The following ZDHHC21 variants were observed in gnomAD, a reference collection of about 807,000 sequenced individuals.
The protein encoded by ZDHHC21 is zDHHC palmitoyltransferase 21.
A neutral mutation model predicts 34.6 loss-of-function variants in ZDHHC21; 15 were observed. The ratio of observed to expected loss-of-function variants is 0.43; its 90% CI spans 0.29 to 0.67. The LOEUF is 0.67. Ranked by LOEUF, ZDHHC21 falls within the 30% of genes least tolerant of loss-of-function variation. ZDHHC21 has a pLI of 0.14. For synonymous variants in ZDHHC21, 142 were observed against 101.8 expected (o/e 1.40, Z -2.38); for missense variants, 344 against 327.7 (o/e 1.05, Z -0.38).
intron 7 of ZDHHC21, among the ~76,000 whole-genome samples, chr9:14,653,484 T>C (rs1831620881): frequency 6.6e-6 from 1 of 152,034 alleles, no homozygotes; most frequent in Admixed American, 6.6e-5. Context: ...TAGAGAAGTT[T>C]GTTATACTGC....
intron 5 of ZDHHC21, among the ~76,000 whole-genome samples, chr9:14,666,664 G>A (rs1203071438): frequency 2.8e-5 from 3 of 105,796 alleles, no homozygotes; most frequent in African/African-American, 6.3e-5. Flanking sequence ...AGACCACAGT[G>A]CAATCAAACT....
chr9:14,659,699 C>G (rs1192936953), intron 6 of ZDHHC21, among the ~76,000 whole-genome samples: 1 of 152,214 alleles, frequency 6.6e-6, no homozygotes, highest in Non-Finnish European at 1.5e-5. Context: ...TCGGTCCTAA[C>G]TTAAATCGCT....
At chr9:14,609,714 T>C (rs1480948670), downstream of ZDHHC21, among the ~76,000 whole-genome samples, 1 of 152,068 alleles carries the variant, frequency 6.6e-6, no homozygotes, top group African/African-American at 2.4e-5. Flanking sequence ...CTTTCCAAAG[T>C]GAAAAAGAGA....
At chr9:14,662,578 GA>G (rs923516052) in intron 5 of ZDHHC21, among the ~76,000 whole-genome samples, 1 of 152,158 alleles carries the variant, frequency 6.6e-6, no homozygotes, top group Non-Finnish European at 1.5e-5. Context: ...GTAAGAGACA[GA>G]AAACAATGTA....
rs868009048 is a variant in ZDHHC21 at position 14,640,309 on chromosome 9, A to G, written c.505-297T>C. On this transcript the variant is annotated intron_variant, in intron 7 of 9. Coordinates refer to ENST00000380916, the MANE Select transcript of ZDHHC21 (RefSeq NM_178566.6). ...TTTGTTTTTTGAACCTATTTTGGGG[A>G]AAAAAAAAAAAAAAAAGAAAGAAAG... 9.6e-3 allele frequency among the ~76,000 whole-genome samples: 1,323 copies of G among 138,318 alleles called. 12 individuals are homozygous for G. Among genetic ancestry groups the G allele is most frequent in the African/African-American group, 0.033 (1,213 of 36,488 alleles). 90.7% of individuals were successfully genotyped at this position (138,318 alleles called of 152,430 possible).
At chr9:14,643,403 T>C (rs1829747972) in intron 7 of ZDHHC21, among the ~76,000 whole-genome samples, 1 of 152,222 alleles carries the variant, frequency 6.6e-6, no homozygotes, top group Non-Finnish European at 1.5e-5. Flanking sequence ...TAACTCCTTC[T>C]TCATACATTT....
the ZDHHC21 span, among the ~76,000 whole-genome samples, chr9:14,600,065 A>C: frequency 6.6e-6 from 1 of 152,234 alleles, no homozygotes; most frequent in Non-Finnish European, 1.5e-5. Flanking sequence ...AATGGGCAAA[A>C]GCTGGAAGCA....
the ZDHHC21 span, among the ~76,000 whole-genome samples, chr9:14,603,136 A>G: frequency 6.6e-6 from 1 of 152,226 alleles, no homozygotes; most frequent in East Asian, 1.9e-4. Flanking sequence ...ATGGATATAC[A>G]TATTTCTAAA....
chr9:14,693,345 T>C lies in ZDHHC21; in HGVS notation c.-341A>G. ...GGCGCCGCCGCCCAGGCCGGGCCGC[T>C]CTCCCCTTCCGCTTCCGGGAGCCTG... On this transcript the variant is annotated 5_prime_UTR_variant, in exon 1 of 10. Coordinates refer to ENST00000380916, the MANE Select transcript of ZDHHC21 (RefSeq NM_178566.6). 2.4e-6 allele frequency: 1 copy of C among 410,114 alleles called. No individual in the cohort carries two copies. Among genetic ancestry groups the C allele is most frequent in the Non-Finnish European group, 4.8e-6 (1 of 208,420 alleles). 25.4% of individuals were successfully genotyped at this position (410,114 alleles called of 1,614,324 possible). A position where few individuals can be genotyped will look rare whatever the true frequency, so the allele number is the denominator to read the frequency against.
At position 14,611,843 on chromosome 9, in the gene ZDHHC21, T is replaced by G. The variant is rs960527522; in HGVS notation, c.*7123A>C. The G allele has an allele frequency of 2.6e-5, 4 of 152,190 alleles. No individual in the cohort carries two copies. Among genetic ancestry groups the G allele is most frequent in the East Asian group, 3.9e-4 (2 of 5,184 alleles). 9.4% of individuals were successfully genotyped at this position (152,190 alleles called of 1,614,324 possible). ...CTTGTCGGAATATCTCTGATTCTGG[T>G]GGAAGTTTTTACTTTTGTATCATTT... On this transcript the variant is annotated 3_prime_UTR_variant, in exon 10 of 10. Coordinates refer to ENST00000380916, the MANE Select transcript of ZDHHC21 (RefSeq NM_178566.6).
intron 4 of ZDHHC21, 64 bp downstream of exon 4, chr9:14,674,123 C>T (rs1835928179): frequency 5.2e-6 from 6 of 1,159,592 alleles, no homozygotes; most frequent in South Asian, 4.4e-5. Context: ...AGTGGCACTA[C>T]ACCCCAAAAA....
intron 8 of ZDHHC21, among the ~76,000 whole-genome samples, chr9:14,625,284 T>C (rs1224122242): frequency 2.6e-5 from 4 of 152,038 alleles, no homozygotes; most frequent in Non-Finnish European, 4.4e-5. Context: ...ACTTTCCTCA[T>C]TTGAAATGAA....
chr9:14,657,977 T>G (rs1055176727), intron 7 of ZDHHC21, among the ~76,000 whole-genome samples: 19 of 152,310 alleles, frequency 1.2e-4, no homozygotes, highest in African/African-American at 4.6e-4. Context: ...TCTAAAACTA[T>G]AGTCCTAGCA....
Position 14,662,214 on chromosome 9 carries a change from C to T in ZDHHC21, c.365+1G>A. 6.3e-7 allele frequency: 1 copy of T among 1,589,772 alleles called. No individual in the cohort carries two copies. The highest frequency in any genetic ancestry group is 8.6e-7 in the Non-Finnish European group (1 of 1,166,894). Reference sequence around the variant, plus strand: ...CTTTGCTAGAAGTGAATTATTCTTACCATGGACAGTGATGATCCATTCTCC... The same window carrying T: ...CTTTGCTAGAAGTGAATTATTCTTATCATGGACAGTGATGATCCATTCTCC... On this transcript the variant is annotated splice_donor_variant, in intron 6 of 9. Transcript: ENST00000380916. LOFTEE classifies it high-confidence loss of function.
chr9:14,651,183 C>T, intron 7 of ZDHHC21, among the ~76,000 whole-genome samples: 1 of 151,742 alleles, frequency 6.6e-6, no homozygotes, highest in East Asian at 1.9e-4. Flanking sequence ...CACTGCGATG[C>T]CTTTATAAGA....
At chr9:14,639,652 A>G (rs1466550114) in intron 8 of ZDHHC21, among the ~76,000 whole-genome samples, 7 of 152,092 alleles carry the variant, frequency 4.6e-5, no homozygotes, top group Non-Finnish European at 7.4e-5. Flanking sequence ...ATAAAAAACT[A>G]TAAACGTGAT....
the ZDHHC21 span, among the ~76,000 whole-genome samples, chr9:14,594,364 G>T: frequency 2.0e-5 from 3 of 152,248 alleles, 1 homozygote; most frequent in South Asian, 6.2e-4. Flanking sequence ...ATAACGATAA[G>T]AACAACAGAA....
rs569435963 is a variant in ZDHHC21, at chr9:14,619,694, A to G, written c.622-12T>C. ...ATAGATGTTGTATCCTATTAAAAAT[A>G]AAAAATTATATTCAGATGTAAGAAA... On this transcript the variant is annotated splice_polypyrimidine_tract_variant and intron_variant, in intron 8 of 9. Transcript: ENST00000380916. 7.6e-7 allele frequency: 1 copy of G among 1,313,666 alleles called. No individual in the cohort carries two copies. The highest frequency in any genetic ancestry group is 2.2e-5 in the Admixed American group (1 of 44,940). 81.4% of individuals were successfully genotyped at this position (1,313,666 alleles called of 1,614,324 possible).
the ZDHHC21 span, among the ~76,000 whole-genome samples, chr9:14,598,514 A>G: frequency 6.6e-6 from 1 of 152,236 alleles, no homozygotes; most frequent in African/African-American, 2.4e-5. Flanking sequence ...AGATGTGCAG[A>G]TATCAATGTA....
Sources: gnomAD v4.1 joint callset for allele counts (sites outside exome capture counted in the v4.1 genomes callset) on GRCh38, gnomAD v4.1.1 for gene constraint, MANE v1.5 for transcripts, NCBI Gene and HGNC (gene_info 2026-07-23, HGNC 2026-07-21) for gene names.